The following CYRIA variants were observed in gnomAD, a reference collection of about 807,000 sequenced individuals.
CYRIA encodes the protein CYFIP-related Rac1 interactor A.
CYRIA carries 15 observed loss-of-function variants against 43.9 expected under a neutral mutation model. The observed-to-expected ratio is 0.34, with a 90% CI of 0.23 to 0.53. The LOEUF is 0.53. Among genes scored for constraint, CYRIA ranks in the 20% least tolerant of loss-of-function variants. CYRIA has a pLI of 0.94. For missense variants in CYRIA, 236 were observed against 394.2 expected (o/e 0.60, Z 3.40); for synonymous variants, 117 against 136.0 (o/e 0.86, Z 0.97).
intron 1 of CYRIA, among the ~76,000 whole-genome samples, chr2:16,638,023 CG>C (rs1185248373): frequency 6.6e-6 from 1 of 151,972 alleles, no homozygotes; most frequent in Non-Finnish European, 1.5e-5. Context: ...GCCTGGGTAA[CG>C]GGGGGTGATG....
chr2:16,619,512 G>T (rs1668925609), intron 2 of CYRIA, among the ~76,000 whole-genome samples: 1 of 152,166 alleles, frequency 6.6e-6, no homozygotes, highest in African/African-American at 2.4e-5. Flanking sequence ...TCTCTGTAAA[G>T]CTGCATTTTA....
At chr2:16,623,546 T>G (rs969457953) in intron 2 of CYRIA, among the ~76,000 whole-genome samples, 2 of 152,186 alleles carry the variant, frequency 1.3e-5, no homozygotes, top group African/African-American at 4.8e-5. Flanking sequence ...CCTCCTACTG[T>G]CTAAATCTAG....
At chr2:16,571,517 T>A (rs1298641193) in intron 3 of CYRIA, among the ~76,000 whole-genome samples, 1 of 152,250 alleles carries the variant, frequency 6.6e-6, no homozygotes, top group Non-Finnish European at 1.5e-5. Flanking sequence ...TACACTGTCT[T>A]CAAATGCACC....
intron 1 of CYRIA, among the ~76,000 whole-genome samples, chr2:16,653,835 T>C (rs952708003): frequency 2.0e-5 from 3 of 152,250 alleles, no homozygotes; most frequent in Non-Finnish European, 4.4e-5. Flanking sequence ...ATGTAGCTCA[T>C]GTGTGATCCT....
At chr2:16,553,222 A>G (rs898965420) in intron 11 of CYRIA, among the ~76,000 whole-genome samples, 1 of 152,192 alleles carries the variant, frequency 6.6e-6, no homozygotes, top group Admixed American at 6.5e-5. Context: ...ACATAATCAA[A>G]TAATTACACA....
rs1572479153 is a variant in CYRIA at position 16,583,005 on chromosome 2, A to G, written c.70+5045T>C. On this transcript the variant is annotated intron_variant, in intron 3 of 11. Coordinates refer to ENST00000381323, the MANE Select transcript of CYRIA (RefSeq NM_030797.4). ...GGTGTATGATAATCCCATTTTTTTC[A>G]CATCCTCACTAACACCTTATTATCT... Among the ~76,000 whole-genome samples the G allele has an allele frequency of 2.6e-5, 4 of 152,208 alleles. No homozygotes were observed. In the South Asian group the frequency reaches 8.3e-4, roughly 32 times the overall value.
At chr2:16,630,357 T>C (rs1669291295) in intron 1 of CYRIA, among the ~76,000 whole-genome samples, 1 of 151,980 alleles carries the variant, frequency 6.6e-6, no homozygotes, top group Non-Finnish European at 1.5e-5. Context: ...TCAGAGGTGG[T>C]GTTTATGAGT....
At chr2:16,617,399 G>C (rs1221476435) in intron 2 of CYRIA, among the ~76,000 whole-genome samples, 1 of 152,242 alleles carries the variant, frequency 6.6e-6, no homozygotes, top group Non-Finnish European at 1.5e-5. Flanking sequence ...GCTCCAAACA[G>C]AGAAAGGTAG....
chr2:16,561,473 G>T lies in CYRIA; in HGVS notation c.496C>A (p.Arg166Ser). 1 of 1,613,730 alleles carries T rather than the reference G, an allele frequency of 6.2e-7. No homozygotes were observed. Among genetic ancestry groups the T allele is most frequent in the Non-Finnish European group, 8.5e-7 (1 of 1,179,756 alleles). ...GGACTCACGTGCATGTTGTTGATGC[G>T]GTTGCGACTGATTGTTCTTCTGTAG... is the stretch of plus-strand genomic sequence containing the variant. ...SYYRRTISRN[R>S]INNMHLDIEN... Residue 166 changes from arginine (R) to serine (S), a missense_variant, in exon 7 of 12, where the codon CGC becomes AGC. Coordinates refer to ENST00000381323, the MANE Select transcript of CYRIA (RefSeq NM_030797.4).
In CYRIA at chr2:16,553,235, G is replaced by C. The variant is rs192523621; in HGVS notation, c.909-236C>G. Among the ~76,000 whole-genome samples the C allele has an allele frequency of 2.9e-4, 44 of 152,226 alleles. 1 individual carries two copies. The highest frequency in any genetic ancestry group is 2.6e-3 in the Admixed American group (39 of 15,278). On this transcript the variant is annotated intron_variant, in intron 11 of 11. Transcript: ENST00000381323. ...TTACATAATCAAATAATTACACAGAGGAGATATGAGCGGTCTCATTTTCTA... is the reference window on the plus strand; with the variant it reads ...TTACATAATCAAATAATTACACAGACGAGATATGAGCGGTCTCATTTTCTA...
At chr2:16,584,289 G>C (rs1667650224) in intron 3 of CYRIA, among the ~76,000 whole-genome samples, 1 of 152,062 alleles carries the variant, frequency 6.6e-6, no homozygotes, top group Non-Finnish European at 1.5e-5. Flanking sequence ...GTGCTCTTGT[G>C]ACTGCCTGGA....
intron 2 of CYRIA, among the ~76,000 whole-genome samples, chr2:16,617,804 T>C (rs949248085): frequency 6.6e-6 from 1 of 152,210 alleles, no homozygotes; most frequent in African/African-American, 2.4e-5. Context: ...AAGGACTCTT[T>C]TGGGAGTTGG....
chr2:16,565,825 A>T, intron 3 of CYRIA, 58 bp from the exon 4 acceptor site: 1 of 1,451,986 alleles, frequency 6.9e-7, no homozygotes, highest in Non-Finnish European at 9.2e-7. Context: ...GCTTGGGAGG[A>T]GGATGGATAT....
Position 16,583,368 on chromosome 2 carries a change from G to A in CYRIA, c.70+4682C>T, listed in dbSNP as rs965449648. Among the ~76,000 whole-genome samples the A allele has an allele frequency of 5.3e-5, 8 of 152,256 alleles. No homozygotes were observed. The East Asian group carries it at 1.2e-3, about 22-fold the overall frequency. On this transcript the variant is annotated intron_variant, in intron 3 of 11. Transcript: ENST00000381323. Reference sequence around the variant, plus strand: ...CTTCCCTGTTGTAAACACTAACTATGTATCCTCACCTGGATGCATGAATTA... The same window carrying A: ...CTTCCCTGTTGTAAACACTAACTATATATCCTCACCTGGATGCATGAATTA...
chr2:16,639,655 A>G (rs1669612810), intron 1 of CYRIA, among the ~76,000 whole-genome samples: 1 of 152,236 alleles, frequency 6.6e-6, no homozygotes, highest in African/African-American at 2.4e-5. Flanking sequence ...ACACTTTCCC[A>G]TTCCATCTCA....
intron 3 of CYRIA, among the ~76,000 whole-genome samples, chr2:16,569,852 A>G (rs894933632): frequency 6.6e-6 from 1 of 152,226 alleles, no homozygotes; most frequent in Non-Finnish European, 1.5e-5. Flanking sequence ...TTCACTTGAC[A>G]TTATATTTCT....
intron 1 of CYRIA, among the ~76,000 whole-genome samples, chr2:16,653,561 T>C (rs1162167633): frequency 6.6e-6 from 1 of 152,104 alleles, no homozygotes; most frequent in Non-Finnish European, 1.5e-5. Context: ...TGTTTATATG[T>C]TTATGGTCCA....
intron 2 of CYRIA, among the ~76,000 whole-genome samples, chr2:16,601,993 C>T (rs564334106): frequency 6.6e-6 from 1 of 152,338 alleles, no homozygotes; most frequent in African/African-American, 2.4e-5. Context: ...TTTCAATGCT[C>T]AACCTTCATG....
At chr2:16,662,540 C>CTT (rs1670284717) in intron 1 of CYRIA, among the ~76,000 whole-genome samples, 1 of 152,204 alleles carries the variant, frequency 6.6e-6, no homozygotes, top group African/African-American at 2.4e-5. Context: ...ACCATGATGT[C>CTT]TTGTCAGGTA....
Sources: allele counts gnomAD v4.1 joint callset (sites outside exome capture counted in the v4.1 genomes callset), GRCh38; gene constraint gnomAD v4.1.1; transcripts MANE v1.5; gene names NCBI Gene and HGNC (gene_info 2026-07-23, HGNC 2026-07-21).